Variants in SLC35D1 observed in about 807,000 individuals in gnomAD.
SLC35D1 encodes solute carrier family 35 member D1.
A neutral mutation model predicts 46.7 loss-of-function variants in SLC35D1; 31 were observed. The observed-to-expected ratio is 0.66, with a 90% CI of 0.50 to 0.90. SLC35D1 has a LOEUF of 0.90. SLC35D1 is among the 40% of genes least tolerant of loss of function. The pLI, the probability that SLC35D1 is intolerant of heterozygous loss-of-function variation, is 0.00. For missense variants in SLC35D1, 397 were observed against 426.2 expected (o/e 0.93, Z 0.60); for synonymous variants, 195 against 164.6 (o/e 1.18, Z -1.41).
intron 7 of SLC35D1, among the ~76,000 whole-genome samples, chr1:67,046,855 T>C (rs1271756731): frequency 6.6e-6 from 1 of 152,118 alleles, no homozygotes; most frequent in East Asian, 1.9e-4. Context: ...ATAGGGCAAA[T>C]ACATAAAGGC....
chr1:67,017,731 T>C lies in SLC35D1; in HGVS notation c.876+2638A>G, dbSNP rs187806736. Reference sequence around the variant, plus strand: ...CTTCTGTTTCCACAAAAACATCTCTTATTAAAGATCTGTTTCCCTTCATCA... The same window carrying C: ...CTTCTGTTTCCACAAAAACATCTCTCATTAAAGATCTGTTTCCCTTCATCA... On this transcript the variant is annotated intron_variant, in intron 10 of 11. Coordinates refer to ENST00000235345, the MANE Select transcript of SLC35D1 (RefSeq NM_015139.3). Among the ~76,000 whole-genome samples the C allele has an allele frequency of 3.3e-3, 509 of 152,322 alleles. 8 individuals carry two copies. The highest frequency in any genetic ancestry group is 0.029 in the Admixed American group (445 of 15,290).
intron 8 of SLC35D1, among the ~76,000 whole-genome samples, chr1:67,034,065 A>G (rs560122376): frequency 1.3e-5 from 2 of 152,202 alleles, no homozygotes; most frequent in South Asian, 4.1e-4. Flanking sequence ...TGTTTTTATG[A>G]CAGTACCATG....
At chr1:67,047,070 A>T (rs1645259176) in intron 7 of SLC35D1, among the ~76,000 whole-genome samples, 195 bp downstream of exon 7, 1 of 152,212 alleles carries the variant, frequency 6.6e-6, no homozygotes, top group African/African-American at 2.4e-5. Context: ...AAAAGCCTGG[A>T]ATAAAACCTA....
intron 4 of SLC35D1, among the ~76,000 whole-genome samples, chr1:67,051,074 GA>G (rs150076637): frequency 0.047 from 7,179 of 152,156 alleles, 558 homozygotes; most frequent in African/African-American, 0.16. Flanking sequence ...TGAGATGGAT[GA>G]AAAAAAGCAA....
chr1:66,989,630 A>T, the SLC35D1 span, among the ~76,000 whole-genome samples: 3 of 151,832 alleles, frequency 2.0e-5, no homozygotes, highest in Non-Finnish European at 4.4e-5. Flanking sequence ...TGCTCAGCTA[A>T]TTTTTTTTAT....
intron 11 of SLC35D1, among the ~76,000 whole-genome samples, chr1:67,008,722 CCCTGT>C (rs1667501825): frequency 6.6e-6 from 1 of 152,126 alleles, no homozygotes; most frequent in Non-Finnish European, 1.5e-5. Flanking sequence ...AATATAGCAA[CCCTGT>C]GGCCAGGGAA....
the SLC35D1 span, chr1:66,984,836 C>T: frequency 5.0e-5 from 80 of 1,609,512 alleles, no homozygotes; most frequent in Non-Finnish European, 6.6e-5. Context: ...CCAGGTTCTT[C>T]TGAATTTTTC....
intron 3 of SLC35D1, 46 bp from the exon 4 acceptor site, chr1:67,052,125 C>T: frequency 7.7e-7 from 1 of 1,302,232 alleles, no homozygotes; most frequent in Non-Finnish European, 1.1e-6. Context: ...ATAAAGATAG[C>T]TAAAACAAGG....
chr1:67,030,440 T>C (rs1178317387), intron 8 of SLC35D1, among the ~76,000 whole-genome samples: 1 of 152,202 alleles, frequency 6.6e-6, no homozygotes, highest in East Asian at 1.9e-4. Flanking sequence ...CCTTAGTTTC[T>C]ACATATGTAA....
the SLC35D1 span, chr1:66,987,756 A>G: frequency 1.3e-5 from 2 of 149,016 alleles, no homozygotes; most frequent in African/African-American, 2.6e-5. Context: ...TGTTATTGAC[A>G]AGGCAAATAT....
In SLC35D1 at chr1:67,053,008, A is replaced by C; in HGVS notation, c.204-19T>G. 2.5e-6 allele frequency: 4 copies of C among 1,613,870 alleles called. No individual in the cohort carries two copies. Among genetic ancestry groups the C allele is most frequent in the Non-Finnish European group, 3.4e-6 (4 of 1,180,028 alleles). ...GGGAAATCTACAAAAAGGGCAAAGA[A>C]AAAAACAAGATCAGAACAAACCTAA... On this transcript the variant is annotated intron_variant, in intron 1 of 11. Transcript: ENST00000235345.
the SLC35D1 span, among the ~76,000 whole-genome samples, chr1:66,978,774 G>A: frequency 6.6e-6 from 1 of 152,154 alleles, no homozygotes; most frequent in Admixed American, 6.5e-5. Context: ...TTCTCTTTCA[G>A]AAAGCATCAC....
At chr1:66,974,283 G>T in the SLC35D1 span, among the ~76,000 whole-genome samples, 1 of 151,920 alleles carries the variant, frequency 6.6e-6, no homozygotes. Flanking sequence ...CCCTAATGTT[G>T]TGTTCATATC....
chr1:67,039,479 A>C (rs1437769258), intron 8 of SLC35D1, among the ~76,000 whole-genome samples: 7 of 144,766 alleles, frequency 4.8e-5, no homozygotes, highest in African/African-American at 7.9e-5. Flanking sequence ...ACTTTATTTA[A>C]ATAAGTGAAA....
At chr1:67,017,396 C>A (rs1422623593) in intron 10 of SLC35D1, among the ~76,000 whole-genome samples, 2 of 152,126 alleles carry the variant, frequency 1.3e-5, no homozygotes, top group African/African-American at 4.8e-5. Context: ...TCTTTCCTGG[C>A]TACAAGTTTC....
At chr1:66,985,455 G>A in the SLC35D1 span, 3 of 983,060 alleles carry the variant, frequency 3.1e-6, no homozygotes, top group African/African-American at 5.3e-5. Context: ...ATATATAGAA[G>A]TTTAAAAATA....
chr1:67,031,628 A>T (rs1668020138), intron 8 of SLC35D1, among the ~76,000 whole-genome samples: 1 of 152,084 alleles, frequency 6.6e-6, no homozygotes, highest in Non-Finnish European at 1.5e-5. Context: ...CCAATCAGTG[A>T]GTCAAATAGC....
At chr1:67,044,791 A>G (rs2815379) in intron 7 of SLC35D1, among the ~76,000 whole-genome samples, 112,708 of 152,152 alleles carry the variant, frequency 0.74, 42,136 homozygotes, top group African/African-American at 0.83. Context: ...AATGGACTAT[A>G]ATTGTAAGCA....
chr1:67,050,640 C>T lies in SLC35D1; in HGVS notation c.393-136G>A, dbSNP rs898477631. 4.1e-6 allele frequency: 3 copies of T among 730,336 alleles called. No individual in the cohort carries two copies. The African/African-American group carries it at 5.3e-5, about 13-fold the overall frequency. The allele number at this position is 730,336 out of a possible 1,614,324, so 45.2% of individuals were successfully genotyped here. On this transcript the variant is annotated intron_variant, in intron 4 of 11. Coordinates refer to ENST00000235345, the MANE Select transcript of SLC35D1 (RefSeq NM_015139.3). Reference sequence around the variant, plus strand: ...ATACAAATTAATTTATGGTTAAACCCCTGCTTCTCTCTAGAAGCAATTCCT... The same window carrying T: ...ATACAAATTAATTTATGGTTAAACCTCTGCTTCTCTCTAGAAGCAATTCCT...
Sources: gnomAD v4.1 joint callset for allele counts (sites outside exome capture counted in the v4.1 genomes callset) on GRCh38, gnomAD v4.1.1 for gene constraint, MANE v1.5 for transcripts, NCBI Gene and HGNC (gene_info 2026-07-23, HGNC 2026-07-21) for gene names.